The following SLC6A19 variants were observed in gnomAD, a reference collection of about 807,000 sequenced individuals.
SLC6A19 encodes the protein sodium-dependent neutral amino acid transporter B(0)AT1.
A neutral mutation model predicts 68.3 loss-of-function variants in SLC6A19; 67 were observed. The observed-to-expected ratio is 0.98, with a 90% confidence interval of 0.81 to 1.20. SLC6A19 has a LOEUF of 1.20. Among genes scored for constraint, SLC6A19 ranks in the 50% most tolerant of loss-of-function variants. The probability of loss-of-function intolerance (pLI) is 0.00; values close to 1 mark genes in which losing one functional copy is unlikely to be tolerated. For synonymous variants in SLC6A19, 392 were observed against 374.9 expected, an observed-to-expected ratio of 1.05 and a Z score of -0.53; for missense variants, 813 against 851.6, an observed-to-expected ratio of 0.95 and a Z score of 0.56.
At position 1,219,498 on chromosome 5, in the gene SLC6A19, C is replaced by G. The variant is rs770851620; in HGVS notation, c.1379-7C>G. 3.1e-6 allele frequency: 5 copies of G among 1,610,436 alleles called. No individual in the cohort carries two copies. The highest frequency in any genetic ancestry group is 2.2e-5 in the East Asian group (1 of 44,888). On this transcript the variant is annotated splice_region_variant and splice_polypyrimidine_tract_variant and intron_variant, in intron 9 of 11. Transcript: ENST00000304460. ...GCGTGTGAGCAGCTCTGTCCCCCGG[C>G]CTGCAGGCCTCATCTGCCTGGGGAC...
Position 1,221,697 on chromosome 5 carries a change from C to A in SLC6A19, c.1702-4C>A, listed in dbSNP as rs1746385688. On this transcript the variant is annotated splice_polypyrimidine_tract_variant and splice_region_variant and intron_variant, in intron 11 of 11. Transcript: ENST00000304460. ...CCTACTCACCCATGGGGCTCTCTCC[C>A]CAGGAGGAATTTCCCAAATCCCAGA... 6.2e-7 allele frequency: 1 copy of A among 1,613,770 alleles called. No individual in the cohort carries two copies. The highest frequency in any genetic ancestry group is 8.5e-7 in the Non-Finnish European group (1 of 1,179,874).
chr5:1,208,652 G>A (rs961649853), intron 1 of SLC6A19, 94 bp from the exon 2 acceptor site: 8 of 1,568,972 alleles, frequency 5.1e-6, no homozygotes, highest in Non-Finnish European at 7.0e-6. Flanking sequence ...GGCCATAGGG[G>A]CTGCAAGGTT....
intron 5 of SLC6A19, 138 bp downstream of exon 5, chr5:1,213,711 C>A: frequency 9.3e-7 from 1 of 1,076,336 alleles, no homozygotes; most frequent in Non-Finnish European, 1.4e-6. Context: ...TGAGGAGGTC[C>A]ACGGGGCCAG....
In SLC6A19 at chr5:1,218,943, A is replaced by T; in HGVS notation, c.1214A>T (p.Glu405Val). 1 of 1,613,980 alleles carries T rather than the reference A, an allele frequency of 6.2e-7. No individual in the cohort carries two copies. The highest frequency in any genetic ancestry group is 8.5e-7 in the Non-Finnish European group (1 of 1,179,998). ...GGCCTGGCCTTCATCGTCTTCACCG[A>T]GGCCATCACCAAGATGCCGTTGTCC... Reference protein sequence around the residue: ...GTGLAFIVFTEAITKMPLSPL... With the variant: ...GTGLAFIVFTVAITKMPLSPL... The change falls in exon 9 of 12, where the codon GAG (glutamate) becomes GTG (valine). Residue 405 changes from glutamate (E) to valine (V), a missense_variant. By Grantham distance (121) the Glu-to-Val change is moderately radical (BLOSUM62 -2). Coordinates refer to ENST00000304460, the MANE Select transcript of SLC6A19 (RefSeq NM_001003841.3).
intron 1 of SLC6A19, among the ~76,000 whole-genome samples, chr5:1,208,016 T>C (rs1745904073): frequency 6.6e-6 from 1 of 152,204 alleles, no homozygotes; most frequent in Admixed American, 6.5e-5. Context: ...AACGTGGTTC[T>C]CCTTTTTGCA....
chr5:1,215,060 G>A lies in SLC6A19; in HGVS notation c.887+995G>A, dbSNP rs543897821. ...AGAAAGGACCCTGGAGTCATTGTGC[G>A]AGCACTGGGTGGAGCAGTGAAGCCC... On this transcript the variant is annotated intron_variant, in intron 6 of 11. Coordinates refer to ENST00000304460, the MANE Select transcript of SLC6A19 (RefSeq NM_001003841.3). The surrounding 1 kb of genome is among the most constrained non-coding windows in gnomAD (Gnocchi z 5.1). 1.8e-4 allele frequency among the ~76,000 whole-genome samples: 27 copies of A among 152,098 alleles called. No individual in the cohort carries two copies. The highest frequency in any genetic ancestry group is 4.3e-4 in the African/African-American group (18 of 41,476).
At chr5:1,207,120 C>T (rs886508492) in intron 1 of SLC6A19, among the ~76,000 whole-genome samples, 4 of 152,230 alleles carry the variant, frequency 2.6e-5, no homozygotes, top group Non-Finnish European at 5.9e-5. Flanking sequence ...GGAAGCCGGG[C>T]GCCACGGCCT....
At chr5:1,206,255 C>G (rs1745848281) in intron 1 of SLC6A19, among the ~76,000 whole-genome samples, 1 of 151,712 alleles carries the variant, frequency 6.6e-6, no homozygotes, top group Non-Finnish European at 1.5e-5. Flanking sequence ...CTCTCTCTCT[C>G]CATCGCCCTG....
At chr5:1,207,764 G>T (rs1579509525) in intron 1 of SLC6A19, among the ~76,000 whole-genome samples, 1 of 152,210 alleles carries the variant, frequency 6.6e-6, no homozygotes, top group Non-Finnish European at 1.5e-5. Flanking sequence ...CTGTCTCCTG[G>T]CTGTCAGCGC....
chr5:1,215,327 G>T lies in SLC6A19; in HGVS notation c.888-1231G>T, dbSNP rs1442254160. On this transcript the variant is annotated intron_variant, in intron 6 of 11. Coordinates refer to ENST00000304460, the MANE Select transcript of SLC6A19 (RefSeq NM_001003841.3). The surrounding 1 kb of genome is among the most constrained non-coding windows in gnomAD (Gnocchi z 5.1). Reference sequence around the variant, plus strand: ...TGGTCTTAAGTACATTCACAGAGTTGTGAAGCCAGCCATCAGCACTGTCCA... The same window carrying T: ...TGGTCTTAAGTACATTCACAGAGTTTTGAAGCCAGCCATCAGCACTGTCCA... 6.6e-6 allele frequency among the ~76,000 whole-genome samples: 1 copy of T among 152,232 alleles called. No homozygotes were observed. Among genetic ancestry groups the T allele is most frequent in the African/African-American group, 2.4e-5 (1 of 41,454 alleles).
At chr5:1,208,067 A>T (rs945723098) in intron 1 of SLC6A19, among the ~76,000 whole-genome samples, 1 of 152,184 alleles carries the variant, frequency 6.6e-6, no homozygotes, top group Admixed American at 6.5e-5. Context: ...AAAATTTGCC[A>T]TTTTAATCAT....
intron 8 of SLC6A19, among the ~76,000 whole-genome samples, chr5:1,217,270 C>T (rs111424655): frequency 9.2e-5 from 14 of 152,354 alleles, no homozygotes; most frequent in African/African-American, 3.1e-4. Context: ...ATCTGTAACA[C>T]GGTGACTTCT....
Position 1,219,152 on chromosome 5 carries a change from T to C in SLC6A19, c.1378+45T>C, listed in dbSNP as rs755763592. 2.6e-6 allele frequency: 4 copies of C among 1,556,586 alleles called. No homozygotes were observed. In the South Asian group the frequency reaches 4.6e-5, roughly 18 times the overall value. On this transcript the variant is annotated intron_variant, in intron 9 of 11. Transcript: ENST00000304460. ...GGGTCCCCATGGCAATGGTGCCACC[T>C]GTGGGATGGCAGCCCCCGGCTGTGT...
rs1028577722 is a variant in SLC6A19 at position 1,212,794 on chromosome 5, G to GTGA, written c.663+316_663+318dup. On this transcript the variant is annotated intron_variant, in intron 4 of 11. Transcript: ENST00000304460. This position sits in a 1 kb window ranked among gnomAD's most constrained non-coding sequence, Gnocchi z 5.1. Reference sequence around the variant, plus strand: ...GAGATAGACGATGATGATGATGATGGTGATGATGGTGATGATAAAACAGGA... The same window carrying GTGA: ...GAGATAGACGATGATGATGATGATGGTGATGATGATGGTGATGATAAAACAGGA... Among the ~76,000 whole-genome samples the GTGA allele has an allele frequency of 6.6e-6, 1 of 152,094 alleles. No individual in the cohort carries two copies. Among genetic ancestry groups the GTGA allele is most frequent in the African/African-American group, 2.4e-5 (1 of 41,376 alleles).
chr5:1,213,826 G>T, intron 5 of SLC6A19, 127 bp from the exon 6 acceptor site: 1 of 1,479,738 alleles, frequency 6.8e-7, no homozygotes, highest in Non-Finnish European at 9.2e-7. Flanking sequence ...TGCCACCCCA[G>T]GGGGCCCTGG....
chr5:1,216,771 C>T lies in SLC6A19; in HGVS notation c.1017-18C>T. ...CTCCCTGGCCCCAGGTGGCCGTCAG[C>T]CTCAATCTGACCCGCAGGAACATCC... On this transcript the variant is annotated intron_variant, in intron 7 of 11. Transcript: ENST00000304460. The T allele has an allele frequency of 1.9e-6, 3 of 1,613,734 alleles. No homozygotes were observed. The highest frequency in any genetic ancestry group is 2.5e-6 in the Non-Finnish European group (3 of 1,180,040).
rs75252137 is a variant in SLC6A19, at chr5:1,212,500, G to A, written c.663+16G>A. 0.074 allele frequency: 118,222 copies of A among 1,603,914 alleles called. 4,856 individuals carry two copies. Among genetic ancestry groups the A allele is most frequent in the Admixed American group, 0.12 (7,404 of 59,966 alleles). The stretch of plus-strand genomic sequence containing the variant: ...CACCGGGAAGGTACTGCATGGGCCC[G>A]GCCAGGCTGCAGGTGCTCCAGAGGG... On this transcript the variant is annotated intron_variant, in intron 4 of 11. Transcript: ENST00000304460. The surrounding 1 kb of genome is among the most constrained non-coding windows in gnomAD (Gnocchi z 5.1).
chr5:1,210,915 C>T lies in SLC6A19; in HGVS notation c.481+334C>T, dbSNP rs113450057. Among the ~76,000 whole-genome samples, 599 of 152,278 alleles carry T rather than the reference C, an allele frequency of 3.9e-3. 10 individuals are homozygous for T. Among genetic ancestry groups the T allele is most frequent in the African/African-American group, 0.013 (556 of 41,576 alleles). On this transcript the variant is annotated intron_variant, in intron 3 of 11. Transcript: ENST00000304460. ...GGAAGGGACATGGTGTCAGGACTGC[C>T]GCCTCCCGCCCCATGCATCCCTGCG...
chr5:1,209,799 T>G lies in SLC6A19; in HGVS notation c.344-645T>G, dbSNP rs1745972200. Among the ~76,000 whole-genome samples the G allele has an allele frequency of 6.6e-6, 1 of 152,000 alleles. No homozygotes were observed. The highest frequency in any genetic ancestry group is 1.9e-4 in the East Asian group (1 of 5,188). On this transcript the variant is annotated intron_variant, in intron 2 of 11. Coordinates refer to ENST00000304460, the MANE Select transcript of SLC6A19 (RefSeq NM_001003841.3). The surrounding 1 kb of genome is among the most constrained non-coding windows in gnomAD (Gnocchi z 5.5). ...CCCTATCTCCGTCTCTCCCCCTGTC[T>G]CTCTTCCCCATCTCACACTCACATA...
Sources: gnomAD v4.1 joint callset for allele counts (sites outside exome capture counted in the v4.1 genomes callset) on GRCh38, gnomAD v4.1.1 for gene constraint, Gnocchi (gnomAD v3.1) non-coding constraint, MANE v1.5 for transcripts, NCBI Gene and HGNC (gene_info 2026-07-23, HGNC 2026-07-21) for gene names.